STXBP5L: variants seen among roughly 807,000 people sequenced by gnomAD.
STXBP5L encodes syntaxin-binding protein 5-like.
In STXBP5L, 65 loss-of-function variants were observed where a neutral mutation model predicts 144.5. That is an observed-to-expected ratio of 0.45 (90% CI 0.37 to 0.55). STXBP5L has a LOEUF of 0.55. Among genes scored for constraint, STXBP5L ranks in the 20% least tolerant of loss-of-function variants. The probability of loss-of-function intolerance (pLI) is 0.00; values close to 1 mark genes in which losing one functional copy is unlikely to be tolerated. For synonymous variants in STXBP5L, 505 were observed against 469.6 expected (o/e 1.08, Z -0.97); for missense variants, 1,298 against 1,405.5 (o/e 0.92, Z 1.22).
intron 23 of STXBP5L, among the ~76,000 whole-genome samples, chr3:121,409,139 T>C (rs1475979725): frequency 6.6e-6 from 1 of 151,824 alleles, no homozygotes; most frequent in Non-Finnish European, 1.5e-5. Context: ...CAGTAAAAGT[T>C]ATGTCAGGAA....
rs896719345 is a variant in STXBP5L at position 120,944,733 on chromosome 3, A to G, written c.190-10207A>G. On this transcript the variant is annotated intron_variant, in intron 2 of 26. Transcript: ENST00000471454. Reference sequence around the variant, plus strand: ...TACTTTTTTATTTTTTTGAATCACAATGTGATGGAGTTTCATGGGAACTTG... The same window carrying G: ...TACTTTTTTATTTTTTTGAATCACAGTGTGATGGAGTTTCATGGGAACTTG... Among the ~76,000 whole-genome samples the G allele has an allele frequency of 2.6e-5, 4 of 151,760 alleles. No homozygotes were observed. In the South Asian group the frequency reaches 6.2e-4, roughly 24 times the overall value.
rs545707137 is a variant in STXBP5L, at chr3:121,312,886, C to A, written c.2111-5589C>A. Among the ~76,000 whole-genome samples, 7 of 152,094 alleles carry A rather than the reference C, an allele frequency of 4.6e-5. No individual in the cohort carries two copies. The East Asian group carries it at 1.2e-3, about 25-fold the overall frequency. ...CATCCACACAGACCCGGTAAACATC[C>A]GATTTCTCAATTCTTTCCCCACCCT... is the stretch of plus-strand genomic sequence containing the variant. On this transcript the variant is annotated intron_variant, in intron 19 of 26. Coordinates refer to ENST00000471454, the MANE Select transcript of STXBP5L (RefSeq NM_001308330.2).
rs528927866 is a variant in STXBP5L, at chr3:121,090,926, CCCT to C, written c.471-23996_471-23994del. Among the ~76,000 whole-genome samples the C allele has an allele frequency of 4.8e-3, 527 of 110,790 alleles. 7 individuals are homozygous for C. Among genetic ancestry groups the C allele is most frequent in the African/African-American group, 0.014 (388 of 27,780 alleles). 72.7% of individuals were successfully genotyped at this position (110,790 alleles called of 152,430 possible). On this transcript the variant is annotated intron_variant, in intron 5 of 26. Transcript: ENST00000471454. ...TATATCTCCCAGTGCTATCCCTCCCCCCTCCCCCCACCCCACAACAGTCCCCAG... is the reference window on the plus strand; with the variant it reads ...TATATCTCCCAGTGCTATCCCTCCCCCCCCCCACCCCACAACAGTCCCCAG...
At chr3:121,366,496 C>T (rs1020263284) in intron 20 of STXBP5L, among the ~76,000 whole-genome samples, 1 of 151,658 alleles carries the variant, frequency 6.6e-6, no homozygotes, top group Non-Finnish European at 1.5e-5. Context: ...AATATAATGT[C>T]CTTCTTAGTC....
intron 3 of STXBP5L, among the ~76,000 whole-genome samples, chr3:121,013,797 C>T (rs747165276): frequency 9.2e-5 from 14 of 151,868 alleles, no homozygotes; most frequent in Non-Finnish European, 2.1e-4. Context: ...GTCTTTAATC[C>T]ATTTTAAGTT....
chr3:121,064,525 T>G (rs1316009073), intron 5 of STXBP5L, among the ~76,000 whole-genome samples: 1 of 152,212 alleles, frequency 6.6e-6, no homozygotes, highest in Non-Finnish European at 1.5e-5. Flanking sequence ...TATAGATCAT[T>G]TTCGGGAGAA....
chr3:121,341,314 G>A (rs12487210), intron 20 of STXBP5L, among the ~76,000 whole-genome samples: 87,474 of 151,938 alleles, frequency 0.58, 25,391 homozygotes, highest in East Asian at 0.79. Flanking sequence ...AATGCAAATC[G>A]AAACTACAGT....
At chr3:121,120,942 T>C (rs547258809) in intron 6 of STXBP5L, among the ~76,000 whole-genome samples, 2 of 151,312 alleles carry the variant, frequency 1.3e-5, no homozygotes, top group African/African-American at 4.8e-5. Context: ...TGATGTAAGT[T>C]AAACTAGGAA....
At chr3:121,230,122 C>A (rs1378902265) in intron 11 of STXBP5L, among the ~76,000 whole-genome samples, 1 of 152,090 alleles carries the variant, frequency 6.6e-6, no homozygotes, top group Non-Finnish European at 1.5e-5. Context: ...TTTATTTTAG[C>A]AGTGTGCTGA....
chr3:121,411,488 G>A (rs2047113793), intron 23 of STXBP5L, among the ~76,000 whole-genome samples: 1 of 152,070 alleles, frequency 6.6e-6, no homozygotes, highest in African/African-American at 2.4e-5. Context: ...AAAAGGCAAT[G>A]AGACTGGTTT....
intron 3 of STXBP5L, among the ~76,000 whole-genome samples, chr3:120,957,792 C>A (rs1425280104): frequency 6.6e-6 from 1 of 151,680 alleles, no homozygotes; most frequent in Non-Finnish European, 1.5e-5. Flanking sequence ...ACTAAATGCC[C>A]ACAAGAGAAA....
chr3:121,045,384 A>G lies in STXBP5L; in HGVS notation c.370-51A>G. 3 of 1,519,148 alleles carry G rather than the reference A, an allele frequency of 2.0e-6. 1 individual carries two copies. The South Asian group carries it at 3.8e-5, about 19-fold the overall frequency. The allele number at this position is 1,519,148 out of a possible 1,614,324, so 94.1% of individuals were successfully genotyped here. A position where few individuals can be genotyped will look rare whatever the true frequency, so the allele number is the denominator to read the frequency against. On this transcript the variant is annotated intron_variant, in intron 4 of 26. Transcript: ENST00000471454. ...AAATTAGCTTGTTTGTGATTAAAAA[A>G]ACCCTAAATTAAGTAAATCACACAC...
intron 3 of STXBP5L, among the ~76,000 whole-genome samples, chr3:120,990,650 G>A (rs1269149941): frequency 6.6e-6 from 1 of 152,130 alleles, no homozygotes; most frequent in South Asian, 2.1e-4. Context: ...CAATGGAACA[G>A]AACAGAGCCC....
chr3:121,373,297 C>T (rs1421128971), intron 20 of STXBP5L, among the ~76,000 whole-genome samples: 1 of 152,236 alleles, frequency 6.6e-6, no homozygotes, highest in African/African-American at 2.4e-5. Flanking sequence ...ATTCCAACCA[C>T]AAATGCCTGC....
intron 20 of STXBP5L, among the ~76,000 whole-genome samples, chr3:121,354,529 T>TTTTTTTTTTC (rs1337739366): frequency 6.9e-6 from 1 of 145,566 alleles, no homozygotes; most frequent in Non-Finnish European, 1.5e-5. Flanking sequence ...TTTTTTTTTT[T>TTTTTTTTTTC]GCTCTCCATG....
chr3:121,076,437 C>A (rs1413263088), intron 5 of STXBP5L, among the ~76,000 whole-genome samples: 4 of 152,044 alleles, frequency 2.6e-5, no homozygotes, highest in Non-Finnish European at 5.9e-5. Context: ...TTTTCTGATG[C>A]CTTGCAGTCT....
chr3:121,203,642 A>G (rs2048224323), intron 9 of STXBP5L, among the ~76,000 whole-genome samples: 1 of 152,202 alleles, frequency 6.6e-6, no homozygotes, highest in South Asian at 2.1e-4. Context: ...ATAAATTGGT[A>G]GAGTTGGAAA....
intron 7 of STXBP5L, among the ~76,000 whole-genome samples, chr3:121,136,499 G>A (rs994587998): frequency 3.3e-5 from 5 of 152,106 alleles, no homozygotes. Flanking sequence ...TAATCATTAG[G>A]GAGATCCAAA....
chr3:121,380,818 G>A (rs866371561), intron 21 of STXBP5L, among the ~76,000 whole-genome samples: 6 of 152,038 alleles, frequency 3.9e-5, no homozygotes, highest in Non-Finnish European at 5.9e-5. Flanking sequence ...TATGTTTGCC[G>A]CAGAAGATTT....
Sources: allele counts gnomAD v4.1 joint callset (sites outside exome capture counted in the v4.1 genomes callset), GRCh38; gene constraint gnomAD v4.1.1; transcripts MANE v1.5; gene names NCBI Gene and HGNC (gene_info 2026-07-23, HGNC 2026-07-21).